Variants in ITGAM observed in about 807,000 individuals in gnomAD.
ITGAM encodes integrin subunit alpha M, also known as integrin alpha-M.
Under a neutral mutation model 137.5 loss-of-function variants are expected in ITGAM, and 79 were observed. The ratio of observed to expected loss-of-function variants is 0.57; its 90% confidence interval spans 0.48 to 0.69. The LOEUF (loss-of-function observed/expected upper bound fraction) is 0.69. ITGAM is among the 30% of genes least tolerant of loss of function. The pLI is 0.00. For missense variants in ITGAM, 1,343 were observed against 1,483.5 expected (o/e 0.91, Z 1.56); for synonymous variants, 583 against 592.3 (o/e 0.98, Z 0.23).
In ITGAM at chr16:31,265,454, A is replaced by G. The variant is rs570463438; in HGVS notation, c.194A>G (p.Gln65Arg). The change falls in exon 3 of 30, where the codon CAG (glutamine) becomes CGG (arginine). Residue 65 changes from glutamine (Q) to arginine (R), a missense_variant. By Grantham distance (43) the Gln-to-Arg change is conservative (BLOSUM62 1). Coordinates refer to ENST00000544665, the MANE Select transcript of ITGAM (RefSeq NM_000632.4). ...GCCAACCAAAGGGGCAGCCTCTACC[A>G]GTGCGACTACAGCACAGGCTCATGC... ...VAANQRGSLYQCDYSTGSCEP... is the reference protein window; with the variant it reads ...VAANQRGSLYRCDYSTGSCEP... The G allele has an allele frequency of 1.9e-6, 3 of 1,608,078 alleles. No homozygotes were observed. The East Asian group carries it at 6.7e-5, about 36-fold the overall frequency.
intron 14 of ITGAM, among the ~76,000 whole-genome samples, chr16:31,305,895 A>T (rs952983337): frequency 6.6e-6 from 1 of 152,002 alleles, no homozygotes; most frequent in Non-Finnish European, 1.5e-5. Context: ...TTGCTTCTAT[A>T]TTCATCAGGG....
At position 31,321,197 on chromosome 16, in the gene ITGAM, C is replaced by T. The variant is rs1239545932; in HGVS notation, c.1708-44C>T. 2.5e-6 allele frequency: 4 copies of T among 1,608,942 alleles called. No homozygotes were observed. In the African/African-American group the frequency reaches 5.3e-5, roughly 21 times the overall value. On this transcript the variant is annotated intron_variant, in intron 14 of 29. Coordinates refer to ENST00000544665, the MANE Select transcript of ITGAM (RefSeq NM_000632.4). ...GATGACTGAGTTATACATCTCCTGT[C>T]TTTCCTACCCCTTTCTCTCTCCACA... is the stretch of plus-strand genomic sequence containing the variant.
intron 14 of ITGAM, among the ~76,000 whole-genome samples, chr16:31,298,322 G>A (rs2080160152): frequency 6.6e-6 from 1 of 152,078 alleles, no homozygotes; most frequent in Non-Finnish European, 1.5e-5. Flanking sequence ...AGGCTGCAGT[G>A]AGTCCTGGTC....
intron 12 of ITGAM, among the ~76,000 whole-genome samples, chr16:31,291,955 C>T (rs1367852145): frequency 6.6e-6 from 1 of 151,930 alleles, no homozygotes; most frequent in Non-Finnish European, 1.5e-5. Context: ...ATGTTCCCAG[C>T]AAAAGAAATG....
At chr16:31,270,814 T>TTA (rs1212368626) in intron 5 of ITGAM, 140 bp from the exon 6 acceptor site, 8 of 179,566 alleles carry the variant, frequency 4.5e-5, no homozygotes, top group African/African-American at 7.5e-5. Flanking sequence ...TATACATAAT[T>TTA]TATATATATA....
chr16:31,286,881 A>C (rs975106623), intron 12 of ITGAM, among the ~76,000 whole-genome samples: 14 of 152,068 alleles, frequency 9.2e-5, no homozygotes, highest in Admixed American at 3.3e-4. Flanking sequence ...TTTTTGTTGC[A>C]GTTGCTTTTG....
At chr16:31,265,635 C>CT in intron 3 of ITGAM, 137 bp downstream of exon 3, 1 of 753,106 alleles carries the variant, frequency 1.3e-6, no homozygotes, top group Admixed American at 2.8e-5. Flanking sequence ...TGCCTGCAGT[C>CT]TCTACCCTAG....
In ITGAM at chr16:31,297,752, G is replaced by A. The variant is rs79206973; in HGVS notation, c.1505G>A (p.Arg502Gln). ...SVCPLPRGRARWQCDAVLYGE... is the reference protein window; with the variant it reads ...SVCPLPRGRAQWQCDAVLYGE... ...ACTGTTTGTGTTTAGCAGAGGGCTC[G>A]GTGGCAGTGTGATGCTGTTCTCTAC... The change falls in exon 14 of 30, where the codon CGG (arginine) becomes CAG (glutamine). Residue 502 changes from arginine (R) to glutamine (Q), a missense_variant. Transcript: ENST00000544665. 3.1e-5 allele frequency: 50 copies of A among 1,595,776 alleles called. No individual in the cohort carries two copies. Among genetic ancestry groups the A allele is most frequent in the Non-Finnish European group, 4.0e-5 (47 of 1,172,754 alleles).
intron 12 of ITGAM, among the ~76,000 whole-genome samples, chr16:31,279,848 C>A (rs1192753234): frequency 2.0e-5 from 3 of 152,158 alleles, no homozygotes; most frequent in African/African-American, 7.2e-5. Context: ...CCTAGGTTTC[C>A]TTCTAGGGTT....
intron 12 of ITGAM, among the ~76,000 whole-genome samples, chr16:31,296,361 C>T (rs1597007179): frequency 1.3e-5 from 2 of 151,880 alleles, no homozygotes; most frequent in South Asian, 2.1e-4. Flanking sequence ...GATCCACACG[C>T]CCTGGCCTCC....
chr16:31,265,332 C>T, intron 2 of ITGAM, 63 bp from the exon 3 acceptor site: 1 of 897,576 alleles, frequency 1.1e-6, no homozygotes, highest in South Asian at 1.8e-5. Context: ...GGCAGAACTT[C>T]CTCTGTGGTC....
intron 11 of ITGAM, among the ~76,000 whole-genome samples, chr16:31,277,250 G>A: frequency 6.6e-6 from 1 of 151,834 alleles, no homozygotes; most frequent in East Asian, 1.9e-4. Context: ...GGGCTGTAGT[G>A]CAATGGCACT....
At chr16:31,309,145 A>G (rs2080296049) in intron 14 of ITGAM, among the ~76,000 whole-genome samples, 1 of 28,222 alleles carries the variant, frequency 3.5e-5, no homozygotes, top group East Asian at 4.8e-4. Context: ...TGGGGTGGAG[A>G]GTTTTGTAGA....
intron 12 of ITGAM, among the ~76,000 whole-genome samples, chr16:31,290,080 C>CAAA (rs780127045): frequency 7.7e-4 from 43 of 56,082 alleles, no homozygotes; most frequent in African/African-American, 1.8e-3. Flanking sequence ...AAACTCCATC[C>CAAA]AAAAAAAAAA....
chr16:31,265,602 G>A, intron 3 of ITGAM, 104 bp downstream of exon 3: 1 of 821,278 alleles, frequency 1.2e-6, no homozygotes, highest in South Asian at 1.7e-5. Context: ...GGACACAGGT[G>A]CCTGCCTCCG....
Position 31,325,598 on chromosome 16 carries a change from C to T in ITGAM, c.2604C>T (p.His868=). 1.2e-6 allele frequency: 2 copies of T among 1,613,848 alleles called. No homozygotes were observed. Among genetic ancestry groups the T allele is most frequent in the Non-Finnish European group, 1.7e-6 (2 of 1,179,842 alleles). The part of the protein sequence containing the change: ...ALKSTSCSIN[H]PIFPENSEVT... Reference sequence around the variant, plus strand: ...AGAGCACCAGCTGCAGCATAAACCACCCCATCTTCCCGGAAAACTCAGAGG... The same window carrying T: ...AGAGCACCAGCTGCAGCATAAACCATCCCATCTTCCCGGAAAACTCAGAGG... Residue 868 remains histidine (H), a synonymous_variant, in exon 21 of 30, where the codon CAC becomes CAT. Coordinates refer to ENST00000544665, the MANE Select transcript of ITGAM (RefSeq NM_000632.4).
intron 10 of ITGAM, 50 bp from the exon 11 acceptor site, chr16:31,276,870 C>G (rs539213111): frequency 6.3e-7 from 1 of 1,594,402 alleles, no homozygotes; most frequent in East Asian, 2.2e-5. Flanking sequence ...TGAGGGGCAG[C>G]GGTTGTCCCT....
At chr16:31,274,794 A>G (rs543083113) in intron 8 of ITGAM, among the ~76,000 whole-genome samples, 94 of 151,604 alleles carry the variant, frequency 6.2e-4, no homozygotes, top group African/African-American at 2.3e-3. Context: ...TTTGTTTTGT[A>G]TTGTTAGTAG....
rs2144242588 is a variant in ITGAM at position 31,261,722 on chromosome 16, A to G, written c.59A>G (p.Asp20Gly). 6.2e-7 allele frequency: 1 copy of G among 1,612,704 alleles called. No homozygotes were observed. The highest frequency in any genetic ancestry group is 8.5e-7 in the Non-Finnish European group (1 of 1,179,448). The change falls in exon 2 of 30, where the codon GAC becomes GGC. Residue 20 changes from aspartate to glycine, a missense_variant. Physicochemically the swap from Asp to Gly is moderately conservative, Grantham distance 94. Coordinates refer to ENST00000544665, the MANE Select transcript of ITGAM (RefSeq NM_000632.4). Reference sequence around the variant, plus strand: ...ACCTTATGTCATGGGTTCAACTTGGACACTGAAAACGCAATGACCTTCCAA... The same window carrying G: ...ACCTTATGTCATGGGTTCAACTTGGGCACTGAAAACGCAATGACCTTCCAA... ...ALTLCHGFNLDTENAMTFQEN... is the reference protein window; with the variant it reads ...ALTLCHGFNLGTENAMTFQEN...
Sources: allele counts gnomAD v4.1 joint callset (sites outside exome capture counted in the v4.1 genomes callset), GRCh38; gene constraint gnomAD v4.1.1; transcripts MANE v1.5; gene names NCBI Gene and HGNC (gene_info 2026-07-23, HGNC 2026-07-21).